Variants in ZNF469 observed in about 807,000 individuals in gnomAD.
ZNF469 encodes the protein zinc finger protein 469.
ZNF469 carries 1 observed loss-of-function variant against 1.0 expected under a neutral mutation model. The ratio of observed to expected loss-of-function variants is 1.00; its 90% CI spans 0.35 to 4.73. The LOEUF (loss-of-function observed/expected upper bound fraction) is 4.73. ZNF469 is among the 30% of genes most tolerant of loss of function. ZNF469 has a pLI of 0.16. For synonymous variants in ZNF469, 2,703 were observed against 2,363.4 expected (o/e 1.14, Z -4.17); for missense variants, 6,100 against 5,356.3 (o/e 1.14, Z -4.33).
chr16:88,336,297 A>G, the ZNF469 span, among the ~76,000 whole-genome samples: 52 of 151,220 alleles, frequency 3.4e-4, no homozygotes, highest in Admixed American at 1.1e-3. Context: ...TGATGCGCCA[A>G]TACCACACAC....
rs1362053822 is a variant in ZNF469 at position 88,436,787 on chromosome 16, G to A, written c.9317G>A (p.Arg3106Gln). The change falls in exon 3 of 3, where the codon CGG becomes CAG. Residue 3106 changes from arginine to glutamine, a missense_variant. Coordinates refer to ENST00000565624, the MANE Select transcript of ZNF469 (RefSeq NM_001367624.2). ...AGAGRAQGRG[R>Q]PAKGRRASYK... ...GCAGGGAGGGCCCAAGGCAGAGGCC[G>A]GCCGGCCAAGGGCAGGCGGGCCTCC... 12 of 1,544,388 alleles carry A rather than the reference G, an allele frequency of 7.8e-6. No homozygotes were observed. Among genetic ancestry groups the A allele is most frequent in the Admixed American group, 2.0e-5 (1 of 50,904 alleles).
chr16:88,191,443 C>T, the ZNF469 span: 5 of 152,266 alleles, frequency 3.3e-5, no homozygotes, highest in Non-Finnish European at 7.3e-5. Flanking sequence ...CATCAACCAC[C>T]GCACTGGGCT....
At chr16:88,312,982 A>G in the ZNF469 span, among the ~76,000 whole-genome samples, 1 of 152,224 alleles carries the variant, frequency 6.6e-6, no homozygotes, top group African/African-American at 2.4e-5. Flanking sequence ...AATTGTTGGT[A>G]TAGGAAAAAG....
Position 88,429,877 on chromosome 16 carries a change from G to T in ZNF469, c.2407G>T (p.Ala803Ser), listed in dbSNP as rs113484918. Residue 803 changes from alanine to serine, a missense_variant, in exon 3 of 3, where the codon GCC becomes TCC. Transcript: ENST00000565624. ...GAAGACCTTCCTGTTAGCTGGGGAC[G>T]CCCAGGCCGAGGGCAAAGACGACCC... The part of the protein sequence containing the change: ...HAKTFLLAGD[A>S]QAEGKDDPLR... The T allele has an allele frequency of 2.3e-3, 3,639 of 1,550,118 alleles. 68 individuals are homozygous for T. The African/African-American group carries it at 0.041, about 18-fold the overall frequency.
chr16:88,339,786 AGGGGGATGGGGGGACATG>A, the ZNF469 span, among the ~76,000 whole-genome samples: 5 of 61,694 alleles, frequency 8.1e-5, no homozygotes, highest in Admixed American at 6.6e-4. Context: ...ACATGGTGGC[AGGGGGATGGGGGGACATG>A]GTGGCAGGGG....
chr16:88,202,750 C>A, the ZNF469 span, among the ~76,000 whole-genome samples: 1 of 152,198 alleles, frequency 6.6e-6, no homozygotes, highest in African/African-American at 2.4e-5. Context: ...CCTCTGCCTG[C>A]ATCTCTCGAG....
the ZNF469 span, among the ~76,000 whole-genome samples, chr16:88,349,815 A>AC: frequency 7.2e-6 from 1 of 139,292 alleles, no homozygotes; most frequent in Non-Finnish European, 1.6e-5. Flanking sequence ...ACACATCACA[A>AC]ATGCACACAC....
Position 88,432,835 on chromosome 16 carries a change from G to A in ZNF469, c.5365G>A (p.Gly1789Arg). Reference sequence around the variant, plus strand: ...CGGCACAGCAGACCAGCCCCACCGAGGGGCCCCTGCTCCAGAAGCTTTTGG... The same window carrying A: ...CGGCACAGCAGACCAGCCCCACCGAAGGGCCCCTGCTCCAGAAGCTTTTGG... ...EPGTADQPHR[G>R]APAPEAFGSP... The change falls in exon 3 of 3, where the codon GGG becomes AGG. Residue 1789 changes from glycine (G) to arginine (R), a missense_variant. Coordinates refer to ENST00000565624, the MANE Select transcript of ZNF469 (RefSeq NM_001367624.2). The A allele has an allele frequency of 6.5e-7, 1 of 1,550,382 alleles. No individual in the cohort carries two copies. Among genetic ancestry groups the A allele is most frequent in the Middle Eastern group, 1.7e-4 (1 of 5,990 alleles).
rs764302046 is a variant in ZNF469 at position 88,431,312 on chromosome 16, C to G, written c.3842C>G (p.Ser1281Trp). The change falls in exon 3 of 3, where the codon TCG (serine) becomes TGG (tryptophan). Residue 1281 changes from serine (S) to tryptophan (W), a missense_variant. Coordinates refer to ENST00000565624, the MANE Select transcript of ZNF469 (RefSeq NM_001367624.2). ...SRHDTGTPKP[S>W]GSLANTAPHG... Reference sequence around the variant, plus strand: ...CATGACACCGGCACCCCCAAGCCGTCGGGAAGCCTCGCCAACACGGCGCCC... The same window carrying G: ...CATGACACCGGCACCCCCAAGCCGTGGGGAAGCCTCGCCAACACGGCGCCC... The G allele has an allele frequency of 6.5e-7, 1 of 1,549,776 alleles. No homozygotes were observed. The highest frequency in any genetic ancestry group is 1.4e-5 in the African/African-American group (1 of 73,070).
chr16:88,217,093 C>T, the ZNF469 span, among the ~76,000 whole-genome samples: 4 of 152,156 alleles, frequency 2.6e-5, no homozygotes, highest in Admixed American at 1.3e-4. Flanking sequence ...TGTGTATTTT[C>T]TCTTGGTTTT....
At chr16:88,357,094 C>T in the ZNF469 span, among the ~76,000 whole-genome samples, 7 of 152,338 alleles carry the variant, frequency 4.6e-5, no homozygotes, top group South Asian at 2.1e-4. Context: ...CCCTCTGACC[C>T]GGGCCGGGCT....
chr16:88,259,703 A>G, the ZNF469 span, among the ~76,000 whole-genome samples: 1 of 151,466 alleles, frequency 6.6e-6, no homozygotes, highest in Non-Finnish European at 1.5e-5. This position sits in a 1 kb window ranked among gnomAD's most constrained non-coding sequence, Gnocchi z 4.1. Context: ...CCCCACCTGC[A>G]CTCACACCAA....
At chr16:88,379,652 C>T (rs1361154898), upstream of ZNF469, among the ~76,000 whole-genome samples, 1 of 152,196 alleles carries the variant, frequency 6.6e-6, no homozygotes, top group Admixed American at 6.5e-5. Context: ...GTGGCAGCAG[C>T]CCCTGCCCCC....
chr16:88,286,537 G>A, the ZNF469 span, among the ~76,000 whole-genome samples: 10,354 of 152,336 alleles, frequency 0.068, 1,157 homozygotes, highest in African/African-American at 0.23. Context: ...ACTTGCCATC[G>A]GGAGAGGACA....
chr16:88,221,981 G>A, the ZNF469 span, among the ~76,000 whole-genome samples: 1 of 152,000 alleles, frequency 6.6e-6, no homozygotes, highest in African/African-American at 2.4e-5. Flanking sequence ...CCTTTTTCCA[G>A]ATGAGGCCAC....
At chr16:88,258,430 C>T in the ZNF469 span, among the ~76,000 whole-genome samples, 3 of 134,576 alleles carry the variant, frequency 2.2e-5, no homozygotes, top group African/African-American at 8.1e-5. Flanking sequence ...ACCCCCCCAG[C>T]TTACCCCCTA....
the ZNF469 span, among the ~76,000 whole-genome samples, chr16:88,162,292 A>T: frequency 6.6e-6 from 1 of 152,154 alleles, no homozygotes; most frequent in South Asian, 2.1e-4. Context: ...ATCCATCACA[A>T]AATTCAACAC....
the ZNF469 span, among the ~76,000 whole-genome samples, chr16:88,304,419 G>A: frequency 6.6e-6 from 1 of 152,222 alleles, no homozygotes; most frequent in African/African-American, 2.4e-5. Context: ...CAGGACAGAG[G>A]AATCTGCAGG....
chr16:88,130,706 C>CAAAA, the ZNF469 span, among the ~76,000 whole-genome samples: 1 of 103,458 alleles, frequency 9.7e-6, no homozygotes, highest in Non-Finnish European at 2.1e-5. Flanking sequence ...AACTCTGTGT[C>CAAAA]AAAAAAAAAA....
Sources: allele counts gnomAD v4.1 joint callset (sites outside exome capture counted in the v4.1 genomes callset), GRCh38; gene constraint gnomAD v4.1.1; non-coding constraint Gnocchi (gnomAD v3.1); transcripts MANE v1.5; gene names NCBI Gene and HGNC (gene_info 2026-07-23, HGNC 2026-07-21).